The following RDX variants were observed in gnomAD, a reference collection of about 807,000 sequenced individuals.
RDX encodes the protein radixin, also known as deafness, autosomal recessive 24.
In RDX, 32 loss-of-function variants were observed where a neutral mutation model predicts 83.7. The ratio of observed to expected loss-of-function variants is 0.38; its 90% CI spans 0.29 to 0.51. The LOEUF is 0.51. RDX is among the 20% of genes least tolerant of loss of function. The pLI is 0.87. For missense variants in RDX, 600 were observed against 689.9 expected (o/e 0.87, Z 1.46); for synonymous variants, 229 against 222.7 (o/e 1.03, Z -0.25).
chr11:110,220,773 C>T (rs935735589), intron 14 of RDX, among the ~76,000 whole-genome samples: 1 of 151,292 alleles, frequency 6.6e-6, no homozygotes, highest in Admixed American at 6.6e-5. Context: ...GCTGGGATTA[C>T]AGGCGTGAGC....
At chr11:110,221,976 G>C (rs1864266126) in intron 14 of RDX, among the ~76,000 whole-genome samples, 3 of 151,356 alleles carry the variant, frequency 2.0e-5, no homozygotes, top group Admixed American at 6.6e-5. Flanking sequence ...CAATTGCTCT[G>C]AAAATCACTG....
chr11:110,255,152 G>C, intron 8 of RDX, 137 bp downstream of exon 8: 1 of 558,124 alleles, frequency 1.8e-6, no homozygotes. Context: ...TTTCATCACT[G>C]GGAAAGCTGA....
intron 1 of RDX, among the ~76,000 whole-genome samples, chr11:110,286,051 CTTAA>C (rs965208003): frequency 7.3e-6 from 1 of 136,998 alleles, no homozygotes; most frequent in African/African-American, 2.5e-5. Context: ...CCTCCCCACT[CTTAA>C]TTCTCTTAAT....
chr11:110,264,084 T>A lies in RDX; in HGVS notation c.343A>T (p.Ile115Leu). Residue 115 changes from isoleucine to leucine, a missense_variant, in exon 5 of 14, where the codon ATA becomes TTA. Transcript: ENST00000645495. Reference sequence around the variant, plus strand: ...ACTGCAGTTTCTGGCGGGCAATATATCTCATCATTTAAGATGGCTTCTTTA... The same window carrying A: ...ACTGCAGTTTCTGGCGGGCAATATAACTCATCATTTAAGATGGCTTCTTTA... ...QVKEAILNDE[I>L]YCPPETAVLL... 1 of 1,613,966 alleles carries A rather than the reference T, an allele frequency of 6.2e-7. No individual in the cohort carries two copies. The highest frequency in any genetic ancestry group is 8.5e-7 in the Non-Finnish European group (1 of 1,179,880).
At chr11:110,258,587 A>C (rs2134365826) in intron 5 of RDX, among the ~76,000 whole-genome samples, 1 of 152,298 alleles carries the variant, frequency 6.6e-6, no homozygotes, top group East Asian at 1.9e-4. Context: ...AAGTGATTAC[A>C]AAGATAGCTT....
downstream of RDX, among the ~76,000 whole-genome samples, chr11:110,225,050 T>A (rs2134283215): frequency 6.6e-6 from 1 of 152,342 alleles, no homozygotes; most frequent in South Asian, 2.1e-4. Flanking sequence ...TCCAGCTTTA[T>A]CATCCTACAG....
chr11:110,233,392 C>CTGG lies in RDX; in HGVS notation c.1429_1431dup (p.Pro477dup), dbSNP rs779721999. Reference sequence around the variant, plus strand: ...TGTTCGTTTTCTGTTGGAGGAATGACTGGTGGTGGTGGAGGTGGAGGGGGG... The same window carrying CTGG: ...TGTTCGTTTTCTGTTGGAGGAATGACTGGTGGTGGTGGTGGAGGTGGAGGGGGG... On this transcript the variant is annotated inframe_insertion, in exon 13 of 14. Transcript: ENST00000645495. 1 of 1,613,944 alleles carries CTGG rather than the reference C, an allele frequency of 6.2e-7. No homozygotes were observed. The highest frequency in any genetic ancestry group is 8.5e-7 in the Non-Finnish European group (1 of 1,180,022).
intron 7 of RDX, among the ~76,000 whole-genome samples, chr11:110,256,860 T>A (rs1859566244): frequency 6.6e-6 from 1 of 152,212 alleles, no homozygotes; most frequent in African/African-American, 2.4e-5. Context: ...AAAATGCTCT[T>A]GTTTGGAATC....
At chr11:110,255,179 G>A in intron 8 of RDX, 110 bp downstream of exon 8, 2 of 642,706 alleles carry the variant, frequency 3.1e-6, no homozygotes, top group Non-Finnish European at 2.8e-6. Context: ...GAAAGAGAAT[G>A]GTCCTCAGAA....
chr11:110,217,393 A>G (rs1864092644), intron 14 of RDX, among the ~76,000 whole-genome samples: 1 of 152,162 alleles, frequency 6.6e-6, no homozygotes, highest in African/African-American at 2.4e-5. Flanking sequence ...CTTGGCTACT[A>G]TGATATTCTG....
chr11:110,200,145 G>C (rs993078546), intron 14 of RDX: 3 of 161,700 alleles, frequency 1.9e-5, no homozygotes, highest in African/African-American at 7.2e-5. Flanking sequence ...GTAGCAACCA[G>C]ACTAATGGAT....
chr11:110,210,782 CA>C (rs1180846238), intron 14 of RDX, among the ~76,000 whole-genome samples: 6 of 151,942 alleles, frequency 3.9e-5, no homozygotes, highest in Non-Finnish European at 8.8e-5. Flanking sequence ...TACGGACAAG[CA>C]AATGCTGAGA....
At chr11:110,240,349 A>C (rs1865035483) in intron 10 of RDX, among the ~76,000 whole-genome samples, 1 of 152,168 alleles carries the variant, frequency 6.6e-6, no homozygotes, top group Admixed American at 6.5e-5. Flanking sequence ...AAAGATAAAT[A>C]AACTGGTGGT....
rs1312619852 is a variant in RDX at position 110,230,201 on chromosome 11, AATAG to A, written c.*1664_*1667del. ...AAATGTTTAATAAAATGGCAATTTT[AATAG>A]ATAAATGTAAATTTGACTGTGTAAT... is the stretch of plus-strand genomic sequence containing the variant. On this transcript the variant is annotated 3_prime_UTR_variant, in exon 14 of 14. Transcript: ENST00000645495. 6.6e-6 allele frequency: 1 copy of A among 152,198 alleles called. No individual in the cohort carries two copies. The highest frequency in any genetic ancestry group is 1.5e-5 in the Non-Finnish European group (1 of 67,990). The allele number at this position is 152,198 out of a possible 1,614,324, so 9.4% of individuals were successfully genotyped here. A position where few individuals can be genotyped will look rare whatever the true frequency, so the allele number is the denominator to read the frequency against.
At chr11:110,250,836 A>G (rs926281778) in intron 9 of RDX, among the ~76,000 whole-genome samples, 14 of 152,178 alleles carry the variant, frequency 9.2e-5, no homozygotes, top group African/African-American at 3.4e-4. Context: ...CTACCCTGAC[A>G]ATAGCCATCT....
In RDX at chr11:110,253,990, C is replaced by T. The variant is rs951352621; in HGVS notation, c.915G>A (p.Met305Ile). 1 of 1,613,686 alleles carries T rather than the reference C, an allele frequency of 6.2e-7. No homozygotes were observed. The highest frequency in any genetic ancestry group is 1.3e-5 in the African/African-American group (1 of 74,908). Residue 305 changes from methionine (M) to isoleucine (I), a missense_variant, in exon 9 of 14, where the codon ATG becomes ATA. Coordinates refer to ENST00000645495, the MANE Select transcript of RDX (RefSeq NM_002906.4). Reference sequence around the variant, plus strand: ...GTTTCTCCTCCCTAGCCTGAGCCTTCATCTGTTGTACTTCAATAGTATCAG... The same window carrying T: ...GTTTCTCCTCCCTAGCCTGAGCCTTTATCTGTTGTACTTCAATAGTATCAG... ...RKPDTIEVQQ[M>I]KAQAREEKHQ...
chr11:110,242,281 C>T (rs971365759), intron 10 of RDX, among the ~76,000 whole-genome samples: 8 of 151,782 alleles, frequency 5.3e-5, no homozygotes, highest in African/African-American at 1.9e-4. Context: ...GGTGAAACCT[C>T]GTTTCTAATA....
chr11:110,285,111 G>A (rs1053701926), intron 1 of RDX, among the ~76,000 whole-genome samples: 3 of 151,976 alleles, frequency 2.0e-5, no homozygotes, highest in Admixed American at 6.5e-5. Flanking sequence ...TATTGTTGCC[G>A]GGCACGGTGG....
At chr11:110,248,546 A>G (rs574451211) in intron 9 of RDX, among the ~76,000 whole-genome samples, 7 of 152,344 alleles carry the variant, frequency 4.6e-5, no homozygotes, top group African/African-American at 7.2e-5. Flanking sequence ...CTAGTAAAGT[A>G]TAACTGTCAA....
Sources: gnomAD v4.1 joint callset for allele counts (sites outside exome capture counted in the v4.1 genomes callset) on GRCh38, gnomAD v4.1.1 for gene constraint, MANE v1.5 for transcripts, NCBI Gene and HGNC (gene_info 2026-07-23, HGNC 2026-07-21) for gene names.